The following CCDC102B variants were observed in gnomAD, a reference collection of about 807,000 sequenced individuals.
The protein encoded by CCDC102B is coiled-coil domain-containing protein 102B.
A neutral mutation model predicts 57.4 loss-of-function variants in CCDC102B; 75 were observed. That is an observed-to-expected ratio of 1.31 (90% confidence interval 1.08 to 1.58). The LOEUF is 1.58. Among genes scored for constraint, CCDC102B ranks in the 40% most tolerant of loss-of-function variants. CCDC102B has a pLI of 0.00. For synonymous variants in CCDC102B, 206 were observed against 201.9 expected, an observed-to-expected ratio of 1.02 and a Z score of -0.17; for missense variants, 636 against 582.6, an observed-to-expected ratio of 1.09 and a Z score of -0.94.
intron 7 of CCDC102B, among the ~76,000 whole-genome samples, chr18:69,049,298 T>G (rs2052645172): frequency 1.3e-5 from 2 of 152,262 alleles, no homozygotes; most frequent in African/African-American, 2.4e-5. Context: ...GTATTTGGTT[T>G]TCTGTTCCTG....
intron 6 of CCDC102B, among the ~76,000 whole-genome samples, chr18:68,911,772 AAAAG>A (rs1368726216): frequency 5.5e-5 from 8 of 144,786 alleles, no homozygotes; most frequent in Non-Finnish European, 1.2e-4. Context: ...AAAAAAAAAA[AAAAG>A]ATCAGAAAAA....
At chr18:69,022,324 A>G (rs1328161013) in intron 7 of CCDC102B, among the ~76,000 whole-genome samples, 1 of 145,856 alleles carries the variant, frequency 6.9e-6, no homozygotes, top group African/African-American at 2.6e-5. Flanking sequence ...GGCCATATAT[A>G]TATGTGTGTA....
At chr18:68,782,146 A>G (rs1044099640) in intron 2 of CCDC102B, among the ~76,000 whole-genome samples, 4 of 152,108 alleles carry the variant, frequency 2.6e-5, no homozygotes, top group African/African-American at 4.8e-5. Context: ...AAGATGGTTA[A>G]TAATGTTTAT....
intron 2 of CCDC102B, among the ~76,000 whole-genome samples, chr18:68,737,383 C>T (rs542948213): frequency 2.0e-5 from 3 of 152,146 alleles, no homozygotes; most frequent in South Asian, 2.1e-4. Context: ...TCCCAACACT[C>T]TCTCATACCC....
intron 6 of CCDC102B, among the ~76,000 whole-genome samples, chr18:68,914,463 C>T (rs1811618122): frequency 6.6e-6 from 1 of 152,160 alleles, no homozygotes; most frequent in Non-Finnish European, 1.5e-5. Flanking sequence ...GGAATGAATA[C>T]ATATTATCGT....
chr18:68,762,948 G>A lies in CCDC102B; in HGVS notation c.-67+46354G>A, dbSNP rs185191073. ...CCGCTACAGATAAGGGGGGACTACT[G>A]TAATCAATATTTTACCTCAGCCTCA... On this transcript the variant is annotated intron_variant, in intron 2 of 3. Coordinates refer to the CCDC102B transcript ENST00000578970. Among the ~76,000 whole-genome samples the A allele has an allele frequency of 6.5e-3, 995 of 152,150 alleles. 41 individuals carry two copies. The highest frequency in any genetic ancestry group is 0.06 in the Admixed American group (918 of 15,264).
chr18:68,785,417 T>C (rs910113519), intron 2 of CCDC102B, among the ~76,000 whole-genome samples: 2 of 152,190 alleles, frequency 1.3e-5, no homozygotes, highest in Non-Finnish European at 2.9e-5. Context: ...ACTTCCACAA[T>C]GGTTGAACTA....
chr18:68,881,778 T>G (rs2039701532), intron 5 of CCDC102B, among the ~76,000 whole-genome samples: 1 of 152,096 alleles, frequency 6.6e-6, no homozygotes, highest in South Asian at 2.1e-4. Context: ...CCTTATAATT[T>G]ATCTCTCCCA....
At chr18:68,957,431 A>T (rs2049929109) in intron 6 of CCDC102B, among the ~76,000 whole-genome samples, 1 of 151,932 alleles carries the variant, frequency 6.6e-6, no homozygotes, top group African/African-American at 2.4e-5. Context: ...TTAGAGGTAT[A>T]GATTTATTTC....
chr18:68,753,223 G>A (rs1404994928), intron 2 of CCDC102B: 1 of 152,046 alleles, frequency 6.6e-6, no homozygotes, highest in African/African-American at 2.4e-5. Flanking sequence ...AGTGATCAAT[G>A]AGTGCCTGCA....
intron 6 of CCDC102B, among the ~76,000 whole-genome samples, chr18:68,946,737 G>A (rs1000910568): frequency 1.3e-5 from 2 of 151,848 alleles, no homozygotes; most frequent in African/African-American, 4.8e-5. Context: ...GGGCTTTGAA[G>A]GTAAAACATT....
intron 2 of CCDC102B, among the ~76,000 whole-genome samples, chr18:68,727,936 A>T (rs149754930): frequency 1.6e-4 from 25 of 152,362 alleles, no homozygotes; most frequent in South Asian, 6.2e-4. Flanking sequence ...AGATAATTGG[A>T]CAATAAAGAT....
intron 2 of CCDC102B, among the ~76,000 whole-genome samples, chr18:68,752,033 G>A (rs770021839): frequency 6.6e-6 from 1 of 152,128 alleles, no homozygotes; most frequent in African/African-American, 2.4e-5. Flanking sequence ...AGGCCAAGGC[G>A]GGCAGATCAC....
intron 1 of CCDC102B, among the ~76,000 whole-genome samples, chr18:68,808,526 G>A (rs1015701202): frequency 1.5e-5 from 2 of 135,872 alleles, no homozygotes; most frequent in Admixed American, 1.7e-4. Flanking sequence ...CGGCCAGGCC[G>A]GACTGCAGTG....
chr18:68,765,880 A>C (rs1374799990), intron 2 of CCDC102B, among the ~76,000 whole-genome samples: 8 of 151,996 alleles, frequency 5.3e-5, no homozygotes. Context: ...GCTGATGCAC[A>C]TGTGTGACTC....
intron 4 of CCDC102B, chr18:68,867,027 G>T: frequency 3.6e-6 from 1 of 276,100 alleles, no homozygotes; most frequent in Non-Finnish European, 7.2e-6. Context: ...GCAGCCATGT[G>T]AAGAGCTGAC....
chr18:69,022,835 C>A (rs1329648050), intron 7 of CCDC102B, among the ~76,000 whole-genome samples: 1 of 151,882 alleles, frequency 6.6e-6, no homozygotes, highest in East Asian at 1.9e-4. Flanking sequence ...CCCCATATTG[C>A]AGGGAAATTT....
chr18:69,044,272 C>T (rs1284968880), intron 7 of CCDC102B, among the ~76,000 whole-genome samples: 3 of 152,100 alleles, frequency 2.0e-5, no homozygotes. Context: ...TTCTAATGAA[C>T]ATTGCTTCCA....
upstream of CCDC102B, among the ~76,000 whole-genome samples, chr18:68,796,551 A>G (rs2035634767): frequency 6.6e-6 from 1 of 152,120 alleles, no homozygotes; most frequent in Admixed American, 6.5e-5. Context: ...AATTTAAACT[A>G]TGAGGATGGG....
Sources: gnomAD v4.1 joint callset for allele counts (sites outside exome capture counted in the v4.1 genomes callset) on GRCh38, gnomAD v4.1.1 for gene constraint, MANE v1.5 for transcripts, NCBI Gene and HGNC (gene_info 2026-07-23, HGNC 2026-07-21) for gene names.